ERLIN1: variants seen among roughly 807,000 people sequenced by gnomAD.
ERLIN1 encodes erlin-1.
ERLIN1 carries 24 observed loss-of-function variants against 46.9 expected under a neutral mutation model. The ratio of observed to expected loss-of-function variants is 0.51; its 90% CI spans 0.37 to 0.72. The LOEUF is 0.72. ERLIN1 is among the 30% of genes least tolerant of loss of function. The pLI is 0.00. For missense variants in ERLIN1, 293 were observed against 417.9 expected (o/e 0.70, Z 2.61); for synonymous variants, 158 against 143.2 (o/e 1.10, Z -0.74).
chr10:100,174,127 G>T, intron 6 of ERLIN1, 81 bp downstream of exon 6: 2 of 889,590 alleles, frequency 2.2e-6, no homozygotes, highest in Non-Finnish European at 3.6e-6. Context: ...AATAATTGCT[G>T]AATAAAACAA....
intron 6 of ERLIN1, 77 bp downstream of exon 6, chr10:100,174,130 TA>T: frequency 2.2e-6 from 2 of 911,780 alleles, no homozygotes; most frequent in Non-Finnish European, 3.5e-6. Context: ...AATTGCTGAA[TA>T]AAACAATCCA....
Position 100,178,205 on chromosome 10 carries a change from A to T in ERLIN1, c.243-11T>A. The T allele has an allele frequency of 6.4e-7, 1 of 1,555,442 alleles. No individual in the cohort carries two copies. Among genetic ancestry groups the T allele is most frequent in the Non-Finnish European group, 8.7e-7 (1 of 1,146,060 alleles). On this transcript the variant is annotated splice_polypyrimidine_tract_variant and intron_variant, in intron 3 of 10. Coordinates refer to ENST00000421367, the MANE Select transcript of ERLIN1 (RefSeq NM_006459.4). ...ATCATGACCCCACCACTAAAAACAAAGAAAAAAAGTGTGAACTACTAAAGG... is the reference window on the plus strand; with the variant it reads ...ATCATGACCCCACCACTAAAAACAATGAAAAAAAGTGTGAACTACTAAAGG...
At chr10:100,177,555 A>G (rs916211219) in intron 4 of ERLIN1, among the ~76,000 whole-genome samples, 3 of 152,182 alleles carry the variant, frequency 2.0e-5, no homozygotes, top group Admixed American at 6.5e-5. Context: ...CTTGCCAAAC[A>G]CAATATTCTG....
chr10:100,152,834 A>T (rs941914485), intron 10 of ERLIN1, among the ~76,000 whole-genome samples: 7 of 151,830 alleles, frequency 4.6e-5, no homozygotes, highest in Non-Finnish European at 8.8e-5. Flanking sequence ...GGAATCAAAG[A>T]TGTGAGCCAC....
chr10:100,155,806 G>A (rs972611959), intron 9 of ERLIN1, among the ~76,000 whole-genome samples: 1 of 152,190 alleles, frequency 6.6e-6, no homozygotes, highest in African/African-American at 2.4e-5. Context: ...GAGCCACGGC[G>A]CCCGGCCAGA....
chr10:100,185,240 C>T (rs551942346), intron 1 of ERLIN1, among the ~76,000 whole-genome samples: 44 of 152,310 alleles, frequency 2.9e-4, no homozygotes, highest in African/African-American at 1.0e-3. Flanking sequence ...TGACTACTTC[C>T]TTTCTTCCTT....
rs1844912706 is a variant in ERLIN1 at position 100,185,494 on chromosome 10, T to C, written c.113+20A>G. 2.5e-6 allele frequency: 4 copies of C among 1,571,162 alleles called. No individual in the cohort carries two copies. The highest frequency in any genetic ancestry group is 1.4e-5 in the African/African-American group (1 of 74,070). On this transcript the variant is annotated intron_variant, in intron 1 of 10. Coordinates refer to ENST00000421367, the MANE Select transcript of ERLIN1 (RefSeq NM_006459.4). Reference sequence around the variant, plus strand: ...TTTTAATCTGCTCTAGAGCCCTAACTGACTGCACATGCCGCTCACCTGTAG... The same window carrying C: ...TTTTAATCTGCTCTAGAGCCCTAACCGACTGCACATGCCGCTCACCTGTAG...
intron 8 of ERLIN1, among the ~76,000 whole-genome samples, chr10:100,158,704 T>C (rs1843200784): frequency 6.6e-6 from 1 of 152,150 alleles, no homozygotes; most frequent in African/African-American, 2.4e-5. Flanking sequence ...AATAATAAAA[T>C]GTAAGACTGG....
At position 100,185,692 on chromosome 10, in the gene ERLIN1, C is replaced by T; in HGVS notation, c.-66G>A. On this transcript the variant is annotated 5_prime_UTR_variant, in exon 1 of 11. It introduces an in-frame stop codon into an upstream open reading frame of the 5' UTR. Transcript: ENST00000421367. Reference sequence around the variant, plus strand: ...CCGTGAGTGACAGGTCCACCCCCTCCAGTTTCTACCCTCTCCCTCCGGAAA... The same window carrying T: ...CCGTGAGTGACAGGTCCACCCCCTCTAGTTTCTACCCTCTCCCTCCGGAAA... The T allele has an allele frequency of 7.7e-7, 1 of 1,301,580 alleles. No homozygotes were observed. Among genetic ancestry groups the T allele is most frequent in the East Asian group, 2.3e-5 (1 of 43,324 alleles). The allele number at this position is 1,301,580 out of a possible 1,614,324, so 80.6% of individuals were successfully genotyped here.
Position 100,185,726 on chromosome 10 carries a change from T to C in ERLIN1, c.-100A>G. The C allele has an allele frequency of 1.1e-6, 1 of 950,646 alleles. No individual in the cohort carries two copies. The highest frequency in any genetic ancestry group is 1.7e-6 in the Non-Finnish European group (1 of 592,714). 58.9% of individuals were successfully genotyped at this position (950,646 alleles called of 1,614,324 possible). On this transcript the variant is annotated 5_prime_UTR_variant, in exon 1 of 11. Coordinates refer to ENST00000421367, the MANE Select transcript of ERLIN1 (RefSeq NM_006459.4). The stretch of plus-strand genomic sequence containing the variant: ...CCCTCTCCCTCCGGAAACTTGGCGC[T>C]CTCTCGCAGGCTGAGCCGGGGAGTC...
At chr10:100,175,270 C>T (rs1844224887) in intron 5 of ERLIN1, among the ~76,000 whole-genome samples, 3 of 152,220 alleles carry the variant, frequency 2.0e-5, no homozygotes, top group Admixed American at 6.5e-5. Context: ...AGAGCTAATA[C>T]AATTGACTTG....
At chr10:100,171,847 A>G (rs1844015338) in intron 6 of ERLIN1, among the ~76,000 whole-genome samples, 1 of 152,196 alleles carries the variant, frequency 6.6e-6, no homozygotes, top group Non-Finnish European at 1.5e-5. Context: ...TAACAGACTA[A>G]TTTTCTCCAA....
chr10:100,173,887 T>C (rs375850147), intron 6 of ERLIN1, among the ~76,000 whole-genome samples: 13 of 152,316 alleles, frequency 8.5e-5, no homozygotes, highest in South Asian at 8.3e-4. Flanking sequence ...CTTTTCATAA[T>C]CTTACTGAGG....
In ERLIN1 at chr10:100,185,857, C is replaced by T; in HGVS notation, c.-231G>A. 1 of 565,510 alleles carries T rather than the reference C, an allele frequency of 1.8e-6. No individual in the cohort carries two copies. The highest frequency in any genetic ancestry group is 3.2e-6 in the Non-Finnish European group (1 of 317,098). 35.0% of individuals were successfully genotyped at this position (565,510 alleles called of 1,614,324 possible). A position where few individuals can be genotyped will look rare whatever the true frequency, so the allele number is the denominator to read the frequency against. On this transcript the variant is annotated 5_prime_UTR_variant, in exon 1 of 11. Transcript: ENST00000421367. Reference sequence around the variant, plus strand: ...GGGCCGCCCCTGCTCGGTGAGCTTCCTGAAACTCCCTCTCCCAAGGGTCGC... The same window carrying T: ...GGGCCGCCCCTGCTCGGTGAGCTTCTTGAAACTCCCTCTCCCAAGGGTCGC...
rs1392176260 is a variant in ERLIN1, at chr10:100,150,356, AT to A, written c.*1774del. 2 of 152,626 alleles carry A rather than the reference AT, an allele frequency of 1.3e-5. No individual in the cohort carries two copies. The highest frequency in any genetic ancestry group is 6.5e-5 in the Admixed American group (1 of 15,278). 9.5% of individuals were successfully genotyped at this position (152,626 alleles called of 1,614,324 possible). ...CACTTTGGGGCAACAGCTTTTGCTC[AT>A]GTAACTATAAAACATCTCTAGGAAT... On this transcript the variant is annotated 3_prime_UTR_variant, in exon 11 of 11. Transcript: ENST00000421367.
chr10:100,164,451 TTAGAAA>T (rs1843525132), intron 7 of ERLIN1, among the ~76,000 whole-genome samples: 2 of 152,228 alleles, frequency 1.3e-5, no homozygotes, highest in South Asian at 4.1e-4. Context: ...TCTGTGCCAA[TTAGAAA>T]ACGGCACCAG....
chr10:100,154,932 T>C lies in ERLIN1; in HGVS notation c.753A>G (p.Ala251=), dbSNP rs974659065. Residue 251 remains alanine (A), a synonymous_variant, in exon 10 of 11, where the codon GCA becomes GCG. Coordinates refer to ENST00000421367, the MANE Select transcript of ERLIN1 (RefSeq NM_006459.4). ...CTTTCGCTTTCTCTCGGGCCAGGAA[T>C]GCAGCATCTAGCAAATAAACAAAGG... ...EKRISEIEDA[A]FLAREKAKAD... is the part of the protein sequence containing the mutation. The C allele has an allele frequency of 1.9e-6, 3 of 1,613,618 alleles. No individual in the cohort carries two copies. Among genetic ancestry groups the C allele is most frequent in the Non-Finnish European group, 2.5e-6 (3 of 1,179,648 alleles).
chr10:100,151,608 T>G lies in ERLIN1; in HGVS notation c.*523A>C, dbSNP rs1842804328. Reference sequence around the variant, plus strand: ...AGTAAAAGGTTGCTCAAGTGGAAGATCATTTCCTGGGGAACTTCAGCGGCC... The same window carrying G: ...AGTAAAAGGTTGCTCAAGTGGAAGAGCATTTCCTGGGGAACTTCAGCGGCC... On this transcript the variant is annotated 3_prime_UTR_variant, in exon 11 of 11. Coordinates refer to ENST00000421367, the MANE Select transcript of ERLIN1 (RefSeq NM_006459.4). The G allele has an allele frequency of 5.4e-6, 1 of 184,870 alleles. No homozygotes were observed. The highest frequency in any genetic ancestry group is 2.4e-5 in the African/African-American group (1 of 42,138). 11.5% of individuals were successfully genotyped at this position (184,870 alleles called of 1,614,324 possible). A position where few individuals can be genotyped will look rare whatever the true frequency, so the allele number is the denominator to read the frequency against.
At chr10:100,173,131 G>A (rs1011525189) in intron 6 of ERLIN1, among the ~76,000 whole-genome samples, 10 of 152,164 alleles carry the variant, frequency 6.6e-5, no homozygotes, top group Admixed American at 2.6e-4. Context: ...TGAGAAGCAC[G>A]AACACATACA....
Sources: allele counts gnomAD v4.1 joint callset (sites outside exome capture counted in the v4.1 genomes callset), GRCh38; gene constraint gnomAD v4.1.1; transcripts MANE v1.5; gene names NCBI Gene and HGNC (gene_info 2026-07-23, HGNC 2026-07-21).